EYS: variants seen among roughly 807,000 people sequenced by gnomAD.
EYS encodes EGF-like photoreceptor maintenance factor, also known as protein eyes shut homolog.
Under a neutral mutation model 282.1 loss-of-function variants are expected in EYS, and 250 were observed. The observed-to-expected ratio is 0.89, with a 90% CI of 0.80 to 0.98. The LOEUF (loss-of-function observed/expected upper bound fraction) is 0.98. EYS is among the 50% of genes least tolerant of loss of function. The pLI, the probability that EYS is intolerant of heterozygous loss-of-function variation, is 0.00. For synonymous variants in EYS, 1,355 were observed against 1,282.9 expected (o/e 1.06, Z -1.20); for missense variants, 4,016 against 3,709.0 (o/e 1.08, Z -2.15).
intron 28 of EYS, among the ~76,000 whole-genome samples, chr6:64,406,373 A>C (rs1001805146): frequency 6.6e-6 from 1 of 152,230 alleles, no homozygotes; most frequent in Non-Finnish European, 1.5e-5. Context: ...AGGAAAACCT[A>C]GGCAGTATCA....
chr6:65,677,741 T>C (rs966830102), intron 1 of EYS, among the ~76,000 whole-genome samples: 1 of 152,024 alleles, frequency 6.6e-6, no homozygotes, highest in South Asian at 2.1e-4. Flanking sequence ...GGACCCCCAA[T>C]AGCCAGACAG....
chr6:64,955,254 C>T (rs1769658049), intron 14 of EYS, among the ~76,000 whole-genome samples: 1 of 151,328 alleles, frequency 6.6e-6, no homozygotes, highest in African/African-American at 2.4e-5. Context: ...AATTAAATAC[C>T]TAGGAATTAA....
chr6:65,622,852 G>A (rs1432903183), intron 2 of EYS, among the ~76,000 whole-genome samples: 1 of 151,222 alleles, frequency 6.6e-6, no homozygotes. Flanking sequence ...CAACCTCTCG[G>A]GTCCGGTGGT....
chr6:65,202,621 G>T (rs575305135), intron 12 of EYS, among the ~76,000 whole-genome samples: 1 of 152,136 alleles, frequency 6.6e-6, no homozygotes. Flanking sequence ...ATAGAGAAAG[G>T]TATGGTGATG....
intron 26 of EYS, among the ~76,000 whole-genome samples, chr6:64,463,091 T>C (rs1162849053): frequency 4.0e-5 from 6 of 151,798 alleles, no homozygotes; most frequent in Non-Finnish European, 8.8e-5. Flanking sequence ...GGACTACAGG[T>C]GCCCGCCACC....
In EYS at chr6:63,945,105, T is replaced by C. The variant is rs1303622221; in HGVS notation, c.7055+39278A>G. Among the ~76,000 whole-genome samples, 3 of 152,172 alleles carry C rather than the reference T, an allele frequency of 2.0e-5. No homozygotes were observed. The East Asian group carries it at 5.8e-4, about 29-fold the overall frequency. Reference sequence around the variant, plus strand: ...ATTTAGCCATTATATTAGTACTTTCTCACACTGCTCTGAAGGAATACCCGA... The same window carrying C: ...ATTTAGCCATTATATTAGTACTTTCCCACACTGCTCTGAAGGAATACCCGA... On this transcript the variant is annotated intron_variant, in intron 35 of 42. Transcript: ENST00000503581.
In EYS at chr6:63,721,028, A is replaced by G. The variant is rs1768361929; in HGVS notation, c.9003T>C (p.Ala3001=). ...TEGLIVWMGI[A]QNEENDFLAI... Reference sequence around the variant, plus strand: ...CCAGAAAATCATTTTCTTCATTTTGAGCTATTCCCATCCATACAATTAGAC... The same window carrying G: ...CCAGAAAATCATTTTCTTCATTTTGGGCTATTCCCATCCATACAATTAGAC... Residue 3001 remains alanine, a synonymous_variant, in exon 43 of 43, where the codon GCT becomes GCC. Transcript: ENST00000503581. 1.3e-6 allele frequency: 2 copies of G among 1,551,186 alleles called. No individual in the cohort carries two copies. Among genetic ancestry groups the G allele is most frequent in the Non-Finnish European group, 1.7e-6 (2 of 1,146,782 alleles).
At chr6:65,222,567 A>G (rs1766497235) in intron 12 of EYS, among the ~76,000 whole-genome samples, 1 of 152,200 alleles carries the variant, frequency 6.6e-6, no homozygotes, top group South Asian at 2.1e-4. Context: ...TATTAGTAGC[A>G]TGAGACCAGA....
At chr6:65,448,454 T>C (rs1411909397) in intron 5 of EYS, among the ~76,000 whole-genome samples, 1 of 152,052 alleles carries the variant, frequency 6.6e-6, no homozygotes, top group Non-Finnish European at 1.5e-5. Context: ...TTCATTGAGA[T>C]TGCAGTTATG....
chr6:64,293,808 C>T (rs1768801601), intron 30 of EYS, among the ~76,000 whole-genome samples: 1 of 152,056 alleles, frequency 6.6e-6, no homozygotes, highest in African/African-American at 2.4e-5. Context: ...AATGTTCCTA[C>T]TATTTCTAAT....
At chr6:64,281,138 G>A (rs988332906) in intron 30 of EYS, among the ~76,000 whole-genome samples, 5 of 151,982 alleles carry the variant, frequency 3.3e-5, no homozygotes, top group Non-Finnish European at 4.4e-5. Context: ...CTTAATGCCT[G>A]GACACTGCAA....
intron 2 of EYS, among the ~76,000 whole-genome samples, chr6:65,555,197 C>T (rs1367460383): frequency 6.6e-6 from 1 of 151,942 alleles, no homozygotes; most frequent in South Asian, 2.1e-4. Flanking sequence ...TTTTCATTAT[C>T]TTTATGGTAC....
At chr6:63,961,098 A>C (rs1766037576) in intron 35 of EYS, among the ~76,000 whole-genome samples, 1 of 152,232 alleles carries the variant, frequency 6.6e-6, no homozygotes, top group Non-Finnish European at 1.5e-5. Flanking sequence ...TATAAACAAA[A>C]GAAATTTATT....
chr6:65,323,834 A>C (rs1769543992), intron 11 of EYS, among the ~76,000 whole-genome samples: 1 of 145,750 alleles, frequency 6.9e-6, no homozygotes, highest in African/African-American at 2.6e-5. Flanking sequence ...AACATAAAGC[A>C]GATCATGTCA....
intron 30 of EYS, among the ~76,000 whole-genome samples, chr6:64,242,707 G>A (rs933789199): frequency 6.6e-6 from 1 of 151,258 alleles, no homozygotes; most frequent in African/African-American, 2.4e-5. Flanking sequence ...CTACATCTAA[G>A]GATAATATTT....
intron 26 of EYS, among the ~76,000 whole-genome samples, chr6:64,472,426 C>T (rs898078091): frequency 1.3e-5 from 2 of 152,122 alleles, no homozygotes; most frequent in Non-Finnish European, 2.9e-5. Context: ...AACACACAAT[C>T]AAATTTGGTT....
chr6:63,858,730 G>T (rs1772456116), intron 36 of EYS, among the ~76,000 whole-genome samples: 1 of 152,162 alleles, frequency 6.6e-6, no homozygotes, highest in African/African-American at 2.4e-5. Flanking sequence ...GGAAATGAGG[G>T]ATACTAAGAT....
intron 39 of EYS, among the ~76,000 whole-genome samples, chr6:63,784,263 A>ATC (rs367672724): frequency 1.5e-3 from 221 of 148,372 alleles, no homozygotes; most frequent in Admixed American, 4.2e-3. Flanking sequence ...CTTATTAAAA[A>ATC]TCTCTCTCTC....
chr6:64,602,728 T>C (rs1213717949), intron 24 of EYS, among the ~76,000 whole-genome samples: 1 of 151,966 alleles, frequency 6.6e-6, no homozygotes, highest in African/African-American at 2.4e-5. Context: ...CATTTAAACA[T>C]GCATCAAGAA....
Sources: gnomAD v4.1 joint callset for allele counts (sites outside exome capture counted in the v4.1 genomes callset) on GRCh38, gnomAD v4.1.1 for gene constraint, MANE v1.5 for transcripts, NCBI Gene and HGNC (gene_info 2026-07-23, HGNC 2026-07-21) for gene names.